Variants in MYBL2 observed in about 807,000 individuals in gnomAD.
MYBL2 encodes the protein MYB proto-oncogene like 2.
Under a neutral mutation model 79.9 loss-of-function variants are expected in MYBL2, and 28 were observed. The ratio of observed to expected loss-of-function variants is 0.35; its 90% CI spans 0.26 to 0.48. MYBL2 has a LOEUF of 0.48. Ranked by LOEUF, MYBL2 falls within the 20% of genes least tolerant of loss-of-function variation. MYBL2 has a pLI of 0.99. For missense variants in MYBL2, 735 were observed against 893.9 expected, an observed-to-expected ratio of 0.82 and a Z score of 2.27; for synonymous variants, 378 against 361.2, an observed-to-expected ratio of 1.05 and a Z score of -0.53.
chr20:43,715,049 G>C (rs1987996709), intron 12 of MYBL2, 85 bp from the exon 13 acceptor site: 1 of 1,509,166 alleles, frequency 6.6e-7, no homozygotes, highest in Non-Finnish European at 9.1e-7. Context: ...CCAGGTGGTG[G>C]TGCTGGGGTG....
chr20:43,677,454 G>T (rs1987038402), intron 2 of MYBL2, among the ~76,000 whole-genome samples: 1 of 152,228 alleles, frequency 6.6e-6, no homozygotes. Flanking sequence ...TAAGGATGAG[G>T]ATTTGGAAAT....
intron 6 of MYBL2, among the ~76,000 whole-genome samples, chr20:43,698,061 C>CTTTTTTTT (rs11475916): frequency 4.4e-5 from 5 of 112,404 alleles, no homozygotes; most frequent in African/African-American, 1.0e-4. Flanking sequence ...GCTTGGTTGT[C>CTTTTTTTT]TTTTTTTTTT....
In MYBL2 at chr20:43,699,244, C is replaced by T. The variant is rs574444975; in HGVS notation, c.664-513C>T. Among the ~76,000 whole-genome samples, 264 of 152,102 alleles carry T rather than the reference C, an allele frequency of 1.7e-3. 3 individuals are homozygous for T. Among genetic ancestry groups the T allele is most frequent in the Non-Finnish European group, 1.9e-3 (131 of 67,980 alleles). The stretch of plus-strand genomic sequence containing the variant: ...TGTTTTTAGTAGAGACAGGGTTTCA[C>T]CATGTTGGCCAGGCTGATCTCGAAC... On this transcript the variant is annotated intron_variant, in intron 6 of 13. Transcript: ENST00000217026.
chr20:43,668,831 G>A (rs997123565), intron 1 of MYBL2, among the ~76,000 whole-genome samples: 10 of 152,138 alleles, frequency 6.6e-5, no homozygotes, highest in African/African-American at 2.4e-4. Context: ...AGGCTGAGTA[G>A]CTGGGACTAT....
intron 4 of MYBL2, among the ~76,000 whole-genome samples, chr20:43,685,635 A>T (rs1987254650): frequency 6.6e-6 from 1 of 152,136 alleles, no homozygotes; most frequent in Non-Finnish European, 1.5e-5. Context: ...TGTGCCTGTA[A>T]TCCCAGCTAC....
chr20:43,686,559 C>T (rs950796310), intron 4 of MYBL2, among the ~76,000 whole-genome samples: 13 of 152,162 alleles, frequency 8.5e-5, no homozygotes, highest in African/African-American at 2.7e-4. Context: ...AGGACTCTGG[C>T]GCCTTTGTTT....
At position 43,709,850 on chromosome 20, in the gene MYBL2, AG is replaced by A. The variant is rs1568879016; in HGVS notation, c.1506-112del. On this transcript the variant is annotated intron_variant, in intron 9 of 13. Coordinates refer to ENST00000217026, the MANE Select transcript of MYBL2 (RefSeq NM_002466.4). ...GCAGGGTGGGGAGAGGGATGGGACG[AG>A]AACCTGTGCTGGGGCCAAAGGTCGC... 1.4e-4 allele frequency: 116 copies of A among 845,394 alleles called. No homozygotes were observed. The South Asian group carries it at 2.1e-3, about 15-fold the overall frequency. The allele number at this position is 845,394 out of a possible 1,614,324, so 52.4% of individuals were successfully genotyped here. A position where few individuals can be genotyped will look rare whatever the true frequency, so the allele number is the denominator to read the frequency against.
At chr20:43,674,926 T>G (rs1432117283) in intron 2 of MYBL2, among the ~76,000 whole-genome samples, 1 of 152,224 alleles carries the variant, frequency 6.6e-6, no homozygotes, top group African/African-American at 2.4e-5. Context: ...CTTTTTATTT[T>G]ATAATAAATG....
intron 4 of MYBL2, among the ~76,000 whole-genome samples, chr20:43,683,298 A>G (rs1249605095): frequency 6.6e-6 from 1 of 152,204 alleles, no homozygotes; most frequent in Admixed American, 6.6e-5. Flanking sequence ...CACAGGGCAC[A>G]GATGCCTTCT....
intron 12 of MYBL2, among the ~76,000 whole-genome samples, chr20:43,713,417 C>T (rs6017151): frequency 2.7e-4 from 38 of 139,588 alleles, no homozygotes; most frequent in African/African-American, 9.0e-4. Context: ...ATTGGAATTT[C>T]GCTCTTGTTG....
intron 10 of MYBL2, among the ~76,000 whole-genome samples, chr20:43,710,435 C>A (rs948916720): frequency 6.6e-6 from 1 of 152,188 alleles, no homozygotes; most frequent in Non-Finnish European, 1.5e-5. Context: ...CTGTCTCTGA[C>A]CAACTCCCAG....
rs1430776540 is a variant in MYBL2, at chr20:43,673,862, G to A, written c.77G>A (p.Arg26Lys). 1.3e-6 allele frequency: 2 copies of A among 1,555,404 alleles called. No individual in the cohort carries two copies. The highest frequency in any genetic ancestry group is 1.4e-5 in the African/African-American group (1 of 73,226). The change falls in exon 2 of 14, where the codon AGG (arginine) becomes AAG (lysine). Residue 26 changes from arginine (R) to lysine (K), a missense_variant. Physicochemically the swap from Arg to Lys is conservative, Grantham distance 26. This residue lies in a region of MYBL2 where 79 missense variants were observed against 86.7 expected (regional missense o/e 0.91). Transcript: ENST00000217026. ...ACAGATTCAGATGTGCCGGAGCAGA[G>A]GGATAGCAAGTGCAAGGTCAAATGG... ...QDTDSDVPEQRDSKCKVKWTH... is the reference protein window; with the variant it reads ...QDTDSDVPEQKDSKCKVKWTH...
chr20:43,683,627 C>A (rs1293728192), intron 4 of MYBL2, among the ~76,000 whole-genome samples: 2 of 148,896 alleles, frequency 1.3e-5, no homozygotes, highest in Non-Finnish European at 3.0e-5. Context: ...GATCTCAGCT[C>A]ACTGCATCCT....
chr20:43,668,025 A>G (rs938557756), intron 1 of MYBL2, among the ~76,000 whole-genome samples: 1 of 151,926 alleles, frequency 6.6e-6, no homozygotes, highest in Non-Finnish European at 1.5e-5. Flanking sequence ...CAGAGACTTA[A>G]GTGGCAGAGC....
intron 11 of MYBL2, 58 bp downstream of exon 11, chr20:43,711,659 G>T: frequency 2.0e-6 from 3 of 1,475,514 alleles, no homozygotes; most frequent in Non-Finnish European, 2.8e-6. Context: ...GTGGCATGGG[G>T]GAGGCGTCTG....
intron 1 of MYBL2, among the ~76,000 whole-genome samples, chr20:43,669,520 G>A (rs902861740): frequency 1.3e-5 from 2 of 152,178 alleles, no homozygotes; most frequent in Non-Finnish European, 2.9e-5. Context: ...ACTCACCCCT[G>A]TCCTGGAGCA....
intron 8 of MYBL2, 78 bp downstream of exon 8, chr20:43,702,981 A>G: frequency 6.9e-7 from 1 of 1,441,746 alleles, no homozygotes; most frequent in Non-Finnish European, 9.4e-7. Context: ...GGGTGAGCAA[A>G]ACGAGACCTG....
chr20:43,703,729 G>A (rs1396591817), intron 8 of MYBL2, among the ~76,000 whole-genome samples: 3 of 152,114 alleles, frequency 2.0e-5, no homozygotes, highest in South Asian at 2.1e-4. Context: ...GGTGCAGGAG[G>A]CCACCCTGTC....
In MYBL2 at chr20:43,702,265, C is replaced by T. The variant is rs530637756; in HGVS notation, c.952-225C>T. On this transcript the variant is annotated intron_variant, in intron 7 of 13. Transcript: ENST00000217026. Reference sequence around the variant, plus strand: ...AGTGAGCTGTGATTGTGCTACTGTACTCCAGCGTAGGCAACAGAGTGAAAC... The same window carrying T: ...AGTGAGCTGTGATTGTGCTACTGTATTCCAGCGTAGGCAACAGAGTGAAAC... Among the ~76,000 whole-genome samples the T allele has an allele frequency of 2.0e-5, 3 of 152,304 alleles. No homozygotes were observed. The South Asian group carries it at 6.2e-4, about 32-fold the overall frequency.
Sources: gnomAD v4.1 joint callset for allele counts (sites outside exome capture counted in the v4.1 genomes callset) on GRCh38, gnomAD v4.1.1 for gene constraint, gnomAD v4.1.1 regional missense constraint, MANE v1.5 for transcripts, NCBI Gene and HGNC (gene_info 2026-07-23, HGNC 2026-07-21) for gene names.